MSI2: variants seen among roughly 807,000 people sequenced by gnomAD.
The protein encoded by MSI2 is RNA-binding protein Musashi homolog 2.
Under a neutral mutation model 45.6 loss-of-function variants are expected in MSI2, and 17 were observed. The ratio of observed to expected loss-of-function variants is 0.37; its 90% CI spans 0.26 to 0.56. MSI2 has a LOEUF of 0.56. MSI2 is among the 20% of genes least tolerant of loss of function. The pLI is 0.77. For missense variants in MSI2, 293 were observed against 444.2 expected (o/e 0.66, Z 3.06); for synonymous variants, 156 against 158.2 (o/e 0.99, Z 0.11).
chr17:57,555,426 A>T (rs555865790), intron 7 of MSI2, among the ~76,000 whole-genome samples: 2 of 152,234 alleles, frequency 1.3e-5, no homozygotes, highest in East Asian at 1.9e-4. Context: ...GGTAGGCGTG[A>T]TGGAGCCTAC....
At chr17:57,572,094 C>G (rs1347147656) in intron 7 of MSI2, among the ~76,000 whole-genome samples, 2 of 152,196 alleles carry the variant, frequency 1.3e-5, no homozygotes, top group African/African-American at 4.8e-5. Context: ...GTAGCCAAGT[C>G]AGGACAGGTG....
intron 10 of MSI2, chr17:57,632,240 C>G (rs935779554): frequency 2.7e-6 from 3 of 1,092,818 alleles, no homozygotes; most frequent in East Asian, 9.4e-5. Flanking sequence ...GCTGGTGGTC[C>G]AGAGGGGTTG....
chr17:57,491,658 G>A (rs569464720), intron 6 of MSI2, among the ~76,000 whole-genome samples: 1 of 152,224 alleles, frequency 6.6e-6, no homozygotes, highest in African/African-American at 2.4e-5. Flanking sequence ...GGGAGTTGGG[G>A]TAGAGACCAA....
intron 7 of MSI2, among the ~76,000 whole-genome samples, chr17:57,579,547 T>A (rs1406553966): frequency 6.6e-6 from 1 of 152,148 alleles, no homozygotes; most frequent in Non-Finnish European, 1.5e-5. Context: ...CCCTAGACAG[T>A]CACCTCTCAG....
chr17:57,528,465 T>C (rs1023584953), intron 6 of MSI2, among the ~76,000 whole-genome samples: 10 of 152,250 alleles, frequency 6.6e-5, no homozygotes, highest in African/African-American at 2.2e-4. Flanking sequence ...ACGCCTTTGC[T>C]ATTTTATTAT....
At chr17:57,310,838 C>T (rs1040489932) in intron 5 of MSI2, among the ~76,000 whole-genome samples, 59 of 152,184 alleles carry the variant, frequency 3.9e-4, no homozygotes, top group African/African-American at 1.4e-3. Context: ...GATGGTGTGG[C>T]AGCACCGCAG....
At chr17:57,537,759 C>T (rs1181132476) in intron 7 of MSI2, among the ~76,000 whole-genome samples, 2 of 152,168 alleles carry the variant, frequency 1.3e-5, no homozygotes, top group African/African-American at 4.8e-5. Context: ...TTTGGAGACA[C>T]GGAGTAATAC....
At chr17:57,523,538 G>C (rs1209669499) in intron 6 of MSI2, 7 of 152,336 alleles carry the variant, frequency 4.6e-5, no homozygotes, top group African/African-American at 1.7e-4. Context: ...TAGGATTAGA[G>C]AGGCATCACC....
intron 7 of MSI2, among the ~76,000 whole-genome samples, chr17:57,587,353 G>A (rs897172763): frequency 2.0e-5 from 3 of 152,216 alleles, no homozygotes; most frequent in East Asian, 1.9e-4. Flanking sequence ...GTTGGCCAGC[G>A]CATCCCTGAG....
intron 8 of MSI2, chr17:57,608,312 A>G (rs1006683249): frequency 6.6e-6 from 1 of 152,430 alleles, no homozygotes; most frequent in African/African-American, 2.4e-5. Flanking sequence ...GAGCAACAGG[A>G]TGGAATTGAA....
intron 5 of MSI2, among the ~76,000 whole-genome samples, chr17:57,303,337 G>C (rs994082023): frequency 8.5e-5 from 13 of 152,232 alleles, no homozygotes; most frequent in Non-Finnish European, 1.3e-4. Context: ...CTCGACATAT[G>C]CTGGGTTGGT....
chr17:57,391,551 C>T (rs771470581), intron 5 of MSI2, among the ~76,000 whole-genome samples: 7 of 152,088 alleles, frequency 4.6e-5, no homozygotes, highest in Non-Finnish European at 1.0e-4. Flanking sequence ...GTCATGGGAC[C>T]CTGAGACCAT....
intron 5 of MSI2, among the ~76,000 whole-genome samples, chr17:57,297,023 C>T (rs750601802): frequency 3.9e-4 from 60 of 152,052 alleles, no homozygotes; most frequent in Non-Finnish European, 6.5e-4. Context: ...TACAGGCCCG[C>T]GCCACCACAC....
chr17:57,297,119 C>T (rs1032669798), intron 5 of MSI2, among the ~76,000 whole-genome samples: 3 of 151,762 alleles, frequency 2.0e-5, no homozygotes, highest in Admixed American at 6.6e-5. Context: ...GTGATCCACC[C>T]GCCTTGGCCT....
At chr17:57,304,357 CAAAAA>C (rs146857564) in intron 5 of MSI2, among the ~76,000 whole-genome samples, 1 of 55,112 alleles carries the variant, frequency 1.8e-5, no homozygotes, top group Admixed American at 2.1e-4. Context: ...ACTCTGTCTC[CAAAAA>C]AAAAAAAAAA....
intron 10 of MSI2, among the ~76,000 whole-genome samples, chr17:57,644,119 T>C (rs1340916255): frequency 6.6e-6 from 1 of 152,026 alleles, no homozygotes; most frequent in Non-Finnish European, 1.5e-5. Context: ...ATGGGAGTGA[T>C]GTGTTGGTAC....
intron 7 of MSI2, among the ~76,000 whole-genome samples, chr17:57,530,223 G>A (rs919814970): frequency 3.3e-5 from 5 of 152,148 alleles, no homozygotes; most frequent in African/African-American, 1.2e-4. Flanking sequence ...TGTGTAGAGG[G>A]CATCTGTACT....
chr17:57,441,186 T>C (rs1169552612), intron 6 of MSI2, among the ~76,000 whole-genome samples: 1 of 152,202 alleles, frequency 6.6e-6, no homozygotes. Flanking sequence ...TGCCTGGGCC[T>C]GGTGACTCAT....
chr17:57,597,466 TAAAAAAA>T (rs35606406), intron 8 of MSI2, among the ~76,000 whole-genome samples: 14 of 87,136 alleles, frequency 1.6e-4, no homozygotes, highest in South Asian at 4.3e-4. Flanking sequence ...CCTCATCTCT[TAAAAAAA>T]AAAAAAAAAA....
Sources: allele counts gnomAD v4.1 joint callset (sites outside exome capture counted in the v4.1 genomes callset), GRCh38; gene constraint gnomAD v4.1.1; transcripts MANE v1.5; gene names NCBI Gene and HGNC (gene_info 2026-07-23, HGNC 2026-07-21).